Variants in PTGR2 observed in about 807,000 individuals in gnomAD.
PTGR2 encodes 15-oxoprostaglandin 13-reductase.
In PTGR2, 32 loss-of-function variants were observed where a neutral mutation model predicts 43.4. The ratio of observed to expected loss-of-function variants is 0.74; its 90% confidence interval spans 0.56 to 0.99. PTGR2 has a LOEUF of 0.99. PTGR2 is among the 50% of genes least tolerant of loss of function. PTGR2 has a pLI of 0.00. For synonymous variants in PTGR2, 106 were observed against 139.2 expected (o/e 0.76, Z 1.68); for missense variants, 373 against 420.0 (o/e 0.89, Z 0.98).
At chr14:73,864,032 G>A (rs1022884179) in intron 3 of PTGR2, among the ~76,000 whole-genome samples, 3 of 152,182 alleles carry the variant, frequency 2.0e-5, no homozygotes, top group African/African-American at 7.2e-5. Context: ...AGCTGGGGTT[G>A]TAGGTGGGAG....
intron 9 of PTGR2, among the ~76,000 whole-genome samples, chr14:73,882,686 G>C (rs1395196220): frequency 2.0e-5 from 3 of 151,060 alleles, no homozygotes; most frequent in African/African-American, 7.3e-5. Context: ...ATTTTTAGTA[G>C]AGACGGGGTT....
At chr14:73,877,265 A>G in intron 5 of PTGR2, 97 bp downstream of exon 5, 1 of 1,148,794 alleles carries the variant, frequency 8.7e-7, no homozygotes, top group Non-Finnish European at 1.2e-6. Context: ...TAAAAATATA[A>G]AATTGGATAA....
chr14:73,874,903 C>T (rs2054820639), intron 4 of PTGR2, among the ~76,000 whole-genome samples: 1 of 152,198 alleles, frequency 6.6e-6, no homozygotes, highest in Admixed American at 6.5e-5. Context: ...GCGTCTCACT[C>T]TGTCACCCAG....
intron 2 of PTGR2, among the ~76,000 whole-genome samples, chr14:73,859,891 C>T (rs570752498): frequency 2.7e-5 from 4 of 148,462 alleles, no homozygotes; most frequent in East Asian, 2.0e-4. Flanking sequence ...CACGGAGTCT[C>T]GCTCTGTCAT....
At chr14:73,870,618 C>A (rs1268143134) in intron 3 of PTGR2, among the ~76,000 whole-genome samples, 1 of 152,048 alleles carries the variant, frequency 6.6e-6, no homozygotes, top group Non-Finnish European at 1.5e-5. Context: ...TGTGCATATA[C>A]AACTTGGCTT....
In PTGR2 at chr14:73,864,225, G is replaced by T. The variant is rs1012492192; in HGVS notation, c.156+3568G>T. Among the ~76,000 whole-genome samples the T allele has an allele frequency of 2.0e-5, 3 of 152,094 alleles. No individual in the cohort carries two copies. In the South Asian group the frequency reaches 6.2e-4, roughly 31 times the overall value. ...ACATGTGGGTTGTTTACACAACTTG[G>T]CTATTAGCAATACTTCTGCTATGAA... On this transcript the variant is annotated intron_variant, in intron 3 of 9. Transcript: ENST00000555661.
At chr14:73,875,816 G>GTTTTTTTTTT (rs1555351261) in intron 4 of PTGR2, among the ~76,000 whole-genome samples, 1 of 106,540 alleles carries the variant, frequency 9.4e-6, no homozygotes, top group Admixed American at 9.8e-5. Flanking sequence ...TTTTTTAAAA[G>GTTTTTTTTTT]TTTCTTTTTT....
intron 3 of PTGR2, among the ~76,000 whole-genome samples, chr14:73,862,369 G>A (rs112017048): frequency 0.1 from 15,112 of 151,730 alleles, 1,347 homozygotes; most frequent in African/African-American, 0.25. Context: ...CACCACGCCC[G>A]GCTAATTTTT....
chr14:73,878,666 C>T (rs2054916747), intron 5 of PTGR2: 1 of 473,340 alleles, frequency 2.1e-6, no homozygotes, highest in Non-Finnish European at 4.2e-6. Context: ...TTTATTTTGA[C>T]AATGACCATA....
intron 1 of PTGR2, among the ~76,000 whole-genome samples, chr14:73,856,227 T>C (rs1488012709): frequency 6.6e-6 from 1 of 151,908 alleles, no homozygotes; most frequent in South Asian, 2.1e-4. Context: ...CCTATATAGG[T>C]ATACCATTTT....
At chr14:73,858,996 G>GTAA in intron 2 of PTGR2, 97 bp downstream of exon 2, 1 of 946,888 alleles carries the variant, frequency 1.1e-6, no homozygotes. Context: ...GGTAAATTAA[G>GTAA]GTAGTAAGAT....
intron 3 of PTGR2, among the ~76,000 whole-genome samples, chr14:73,862,308 C>T (rs1040102735): frequency 2.0e-5 from 3 of 151,796 alleles, no homozygotes; most frequent in East Asian, 1.9e-4. Context: ...CCCGGGTTCA[C>T]GCCATTCTCC....
At chr14:73,867,926 A>G (rs1267255602) in intron 3 of PTGR2, among the ~76,000 whole-genome samples, 2 of 152,220 alleles carry the variant, frequency 1.3e-5, no homozygotes, top group Non-Finnish European at 2.9e-5. Flanking sequence ...ACCTTGCTTA[A>G]AGTGGTTTAA....
chr14:73,860,595 G>T lies in PTGR2; in HGVS notation c.94G>T (p.Asp32Tyr). 1 of 1,584,588 alleles carries T rather than the reference G, an allele frequency of 6.3e-7. No homozygotes were observed. The highest frequency in any genetic ancestry group is 1.4e-5 in the African/African-American group (1 of 73,896). The change falls in exon 3 of 10, where the codon GAT (aspartate) becomes TAT (tyrosine). Residue 32 changes from aspartate to tyrosine, a missense_variant. Coordinates refer to ENST00000555661, the MANE Select transcript of PTGR2 (RefSeq NM_001146154.2). ...NFRMEEVYLP[D>Y]NINEGQVQVR... The stretch of plus-strand genomic sequence containing the variant: ...CCGAATGGAAGAAGTCTATTTACCA[G>T]ATAATATTAATGAAGGACAAGTACA...
rs115621198 is a variant in PTGR2 at position 73,883,602 on chromosome 14, T to G, written c.980-499T>G. ...CCAGGTTCAGGTGATGCTCCCACCT[T>G]AGCCCCCCGAGTAGCTGGGACTACA... On this transcript the variant is annotated intron_variant, in intron 9 of 9. Transcript: ENST00000555661. 4.3e-3 allele frequency among the ~76,000 whole-genome samples: 654 copies of G among 151,866 alleles called. 5 individuals carry two copies. Among genetic ancestry groups the G allele is most frequent in the African/African-American group, 0.015 (634 of 41,402 alleles).
chr14:73,853,121 C>A (rs2140223696), intron 1 of PTGR2, among the ~76,000 whole-genome samples: 1 of 152,006 alleles, frequency 6.6e-6, no homozygotes, highest in East Asian at 1.9e-4. Context: ...GCTCTGGGCC[C>A]AGAAAGATAC....
chr14:73,861,507 G>C (rs921808304), intron 3 of PTGR2: 1 of 152,258 alleles, frequency 6.6e-6, no homozygotes, highest in Non-Finnish European at 1.5e-5. Flanking sequence ...TGGAGGCCAA[G>C]GCAGGATTGC....
At chr14:73,871,341 C>CTTTTTTTTTTTTTTTTTTTTTTTTTT (rs869073652) in intron 3 of PTGR2, among the ~76,000 whole-genome samples, 93 of 67,846 alleles carry the variant, frequency 1.4e-3, no homozygotes, top group East Asian at 5.6e-3. Flanking sequence ...GGCTGTTCAT[C>CTTTTTTTTTTTTTTTTTTTTTTTTTT]TTTTTTTTTT....
At chr14:73,880,259 T>G (rs2054951953) in intron 7 of PTGR2, 83 bp downstream of exon 7, 4 of 1,517,590 alleles carry the variant, frequency 2.6e-6, no homozygotes, top group Non-Finnish European at 2.7e-6. Flanking sequence ...TTGTTCTTCA[T>G]AGACACTTTT....
Sources: allele counts gnomAD v4.1 joint callset (sites outside exome capture counted in the v4.1 genomes callset), GRCh38; gene constraint gnomAD v4.1.1; transcripts MANE v1.5; gene names NCBI Gene and HGNC (gene_info 2026-07-23, HGNC 2026-07-21).